The following SMPDL3B variants were observed in gnomAD, a reference collection of about 807,000 sequenced individuals.
SMPDL3B encodes acid sphingomyelinase-like phosphodiesterase 3b.
A neutral mutation model predicts 37.9 loss-of-function variants in SMPDL3B; 31 were observed. The observed-to-expected ratio is 0.82, with a 90% CI of 0.61 to 1.10. The LOEUF (loss-of-function observed/expected upper bound fraction) is 1.10. Ranked by LOEUF, SMPDL3B falls within the 50% of genes least tolerant of loss-of-function variation. The pLI, the probability that SMPDL3B is intolerant of heterozygous loss-of-function variation, is 0.00. For missense variants in SMPDL3B, 525 were observed against 597.8 expected (o/e 0.88, Z 1.27); for synonymous variants, 235 against 242.6 (o/e 0.97, Z 0.29).
chr1:27,942,876 A>G (rs182760491), intron 1 of SMPDL3B, among the ~76,000 whole-genome samples: 2 of 152,074 alleles, frequency 1.3e-5, no homozygotes, highest in Admixed American at 6.5e-5. Context: ...TGCCCCTGCT[A>G]GTCTTGAACT....
intron 4 of SMPDL3B, among the ~76,000 whole-genome samples, chr1:27,953,676 C>T (rs2090474294): frequency 6.6e-6 from 1 of 152,190 alleles, no homozygotes; most frequent in African/African-American, 2.4e-5. Flanking sequence ...GTTTCATTTC[C>T]AGCAGGTTTG....
chr1:27,940,484 C>T (rs1199637504), intron 1 of SMPDL3B, among the ~76,000 whole-genome samples: 1 of 152,070 alleles, frequency 6.6e-6, no homozygotes, highest in African/African-American at 2.4e-5. Context: ...TCACGAGGGC[C>T]CCAAGGGGTA....
chr1:27,941,671 T>A (rs1409080635), intron 1 of SMPDL3B: 1 of 152,494 alleles, frequency 6.6e-6, no homozygotes, highest in Non-Finnish European at 1.5e-5. Context: ...GATGAGGTGG[T>A]CAGGGGAGTC....
At position 27,953,352 on chromosome 1, in the gene SMPDL3B, A is replaced by C. The variant is rs773393361; in HGVS notation, c.511A>C (p.Lys171Gln). Residue 171 changes from lysine to glutamine, a missense_variant, in exon 4 of 8, where the codon AAA (lysine) becomes CAA (glutamine). Coordinates refer to ENST00000373894, the MANE Select transcript of SMPDL3B (RefSeq NM_014474.4). Reference protein sequence around the residue: ...WLSNESIALFKKGAFYCEKLP... With the variant: ...WLSNESIALFQKGAFYCEKLP... ...TAGTAATGAGTCCATCGCTCTCTTCAAAAAAGGTACCAACACCACCTGCTC... is the reference window on the plus strand; with the variant it reads ...TAGTAATGAGTCCATCGCTCTCTTCCAAAAAGGTACCAACACCACCTGCTC... The C allele has an allele frequency of 3.9e-5, 63 of 1,608,564 alleles. No individual in the cohort carries two copies. Among genetic ancestry groups the C allele is most frequent in the Admixed American group, 5.1e-5 (3 of 58,952 alleles).
chr1:27,944,516 G>A (rs376555641), intron 1 of SMPDL3B, among the ~76,000 whole-genome samples: 4 of 151,846 alleles, frequency 2.6e-5, no homozygotes, highest in Admixed American at 2.0e-4. Flanking sequence ...CCCCACACCC[G>A]ACGAATTTTC....
chr1:27,959,119 T>C lies in SMPDL3B; in HGVS notation c.*281T>C. 1 of 439,736 alleles carries C rather than the reference T, an allele frequency of 2.3e-6. No individual in the cohort carries two copies. The highest frequency in any genetic ancestry group is 3.5e-5 in the East Asian group (1 of 28,302). The allele number at this position is 439,736 out of a possible 1,614,324, so 27.2% of individuals were successfully genotyped here. ...AGCATACTTCTTTTGCGTATTATGT[T>C]TAACTCACAAAACAAAGCTCATCAT... On this transcript the variant is annotated 3_prime_UTR_variant, in exon 8 of 8. Coordinates refer to ENST00000373894, the MANE Select transcript of SMPDL3B (RefSeq NM_014474.4).
Position 27,955,758 on chromosome 1 carries a change from C to A in SMPDL3B, c.765C>A (p.Phe255Leu). ...ACAAGGCATGGTTCCGGGAGGGCTT[C>A]AATGAAAAATACCTGAAGGTGGTCC... ...TQNKAWFREG[F>L]NEKYLKVVRK... is the part of the protein sequence containing the mutation. Residue 255 changes from phenylalanine (F) to leucine (L), a missense_variant, in exon 6 of 8, where the codon TTC becomes TTA. Phe to Leu is a conservative substitution (Grantham distance 22). Coordinates refer to ENST00000373894, the MANE Select transcript of SMPDL3B (RefSeq NM_014474.4). The A allele has an allele frequency of 6.2e-7, 1 of 1,614,108 alleles. No homozygotes were observed. Among genetic ancestry groups the A allele is most frequent in the Admixed American group, 1.7e-5 (1 of 60,024 alleles).
rs1295024937 is a variant in SMPDL3B at position 27,959,011 on chromosome 1, C to T, written c.*173C>T. ...AGCCATCCGTGATCGCGCCACTGCA[C>T]TCCAGCCTGGGTGACAAAGCCAGAC... On this transcript the variant is annotated 3_prime_UTR_variant, in exon 8 of 8. Transcript: ENST00000373894. 2 of 779,598 alleles carry T rather than the reference C, an allele frequency of 2.6e-6. No homozygotes were observed. Among genetic ancestry groups the T allele is most frequent in the African/African-American group, 3.5e-5 (2 of 57,272 alleles). The allele number at this position is 779,598 out of a possible 1,614,324, so 48.3% of individuals were successfully genotyped here.
intron 1 of SMPDL3B, among the ~76,000 whole-genome samples, chr1:27,937,564 CTG>C (rs1379385814): frequency 1.3e-5 from 2 of 152,200 alleles, no homozygotes; most frequent in Non-Finnish European, 1.5e-5. Context: ...GAAATAGAGA[CTG>C]AGACCATTGT....
chr1:27,953,399 T>A, intron 4 of SMPDL3B, 41 bp downstream of exon 4: 1 of 1,543,228 alleles, frequency 6.5e-7, no homozygotes, highest in Non-Finnish European at 8.8e-7. Flanking sequence ...ACTTACTGTA[T>A]GCCAGGGTCT....
rs150800127 is a variant in SMPDL3B at position 27,942,612 on chromosome 1, G to A, written c.62-2620G>A. 3.6e-3 allele frequency among the ~76,000 whole-genome samples: 545 copies of A among 152,178 alleles called. 11 individuals are homozygous for A. Among genetic ancestry groups the A allele is most frequent in the Admixed American group, 0.032 (487 of 15,286 alleles). The stretch of plus-strand genomic sequence containing the variant: ...TCCTGCCTCAGCTTCCCAAGTAGCT[G>A]TAGCTGGGATTAAAAGAGTGTACCA... On this transcript the variant is annotated intron_variant, in intron 1 of 7. Transcript: ENST00000373894.
At chr1:27,941,672 CA>C (rs2148673977) in intron 1 of SMPDL3B, 2 of 152,846 alleles carry the variant, frequency 1.3e-5, no homozygotes, top group African/African-American at 2.4e-5. Flanking sequence ...ATGAGGTGGT[CA>C]GGGGAGTCTT....
chr1:27,958,826 G>T lies in SMPDL3B; in HGVS notation c.1356G>T (p.Thr452=), dbSNP rs771148742. ...LLLMALLGLC[T]LVL ...TGATGGCCCTGCTGGGCCTGTGCAC[G>T]CTCGTGCTGTGACCTGCCAGGCTCA... is the stretch of plus-strand genomic sequence containing the variant. Residue 452 remains threonine, a synonymous_variant, in exon 8 of 8, where the codon ACG becomes ACT. Coordinates refer to ENST00000373894, the MANE Select transcript of SMPDL3B (RefSeq NM_014474.4). The surrounding 1 kb of genome is among the most constrained non-coding windows in gnomAD (Gnocchi z 5.6). The T allele has an allele frequency of 1.1e-5, 17 of 1,588,446 alleles. No individual in the cohort carries two copies. Among genetic ancestry groups the T allele is most frequent in the African/African-American group, 1.3e-5 (1 of 74,624 alleles).
intron 7 of SMPDL3B, among the ~76,000 whole-genome samples, chr1:27,957,392 G>A (rs1638320674): frequency 6.6e-6 from 1 of 152,168 alleles, no homozygotes; most frequent in Non-Finnish European, 1.5e-5. Flanking sequence ...ACGGTAGGCT[G>A]TGGCTGCCGA....
chr1:27,946,627 G>A (rs2090410204), intron 2 of SMPDL3B, among the ~76,000 whole-genome samples: 1 of 152,174 alleles, frequency 6.6e-6, no homozygotes, highest in South Asian at 2.1e-4. Flanking sequence ...AGGATTAGGG[G>A]AAGGACATCC....
rs1201807910 is a variant in SMPDL3B at position 27,958,407 on chromosome 1, G to A, written c.1006-69G>A. The A allele has an allele frequency of 1.3e-6, 2 of 1,526,100 alleles. No individual in the cohort carries two copies. The highest frequency in any genetic ancestry group is 4.6e-5 in the East Asian group (2 of 43,942). 94.5% of individuals were successfully genotyped at this position (1,526,100 alleles called of 1,614,324 possible). On this transcript the variant is annotated intron_variant, in intron 7 of 7. Coordinates refer to ENST00000373894, the MANE Select transcript of SMPDL3B (RefSeq NM_014474.4). The surrounding 1 kb of genome is among the most constrained non-coding windows in gnomAD (Gnocchi z 5.6). ...TGCTCTAAAGAACTTGGGGGCAAAT[G>A]CAAGGTGCAGGATGGGGATGGAAGC... is the stretch of plus-strand genomic sequence containing the variant.
rs747465344 is a variant in SMPDL3B at position 27,955,811 on chromosome 1, AG to A, written c.819del (p.Gln273HisfsTer22). On this transcript the variant is annotated frameshift_variant, in exon 6 of 8. Transcript: ENST00000373894. LOFTEE classifies it high-confidence loss of function. ...VRKHHRVIAGQFFGHHHTDSF... is the reference protein window; with the variant it reads ...VRKHHRVIAGXFFGHHHTDSF... ...AAGCATCATCGCGTCATAGCAGGGC[AG>A]TTCTTCGGGCACCACCACACCGACA... The A allele has an allele frequency of 1.9e-6, 3 of 1,614,134 alleles. No homozygotes were observed. Among genetic ancestry groups the A allele is most frequent in the Non-Finnish European group, 1.7e-6 (2 of 1,180,016 alleles).
At chr1:27,938,001 G>T (rs1377571548) in intron 1 of SMPDL3B, among the ~76,000 whole-genome samples, 3 of 152,122 alleles carry the variant, frequency 2.0e-5, no homozygotes, top group African/African-American at 7.2e-5. Context: ...CCCTTCCCTA[G>T]AAATTTCTGC....
chr1:27,943,245 G>A (rs116529057), intron 1 of SMPDL3B, among the ~76,000 whole-genome samples: 1,726 of 152,250 alleles, frequency 0.011, 42 homozygotes, highest in African/African-American at 0.039. Flanking sequence ...ATGTTCCCAG[G>A]GCTCTGCGGA....
Sources: gnomAD v4.1 joint callset for allele counts (sites outside exome capture counted in the v4.1 genomes callset) on GRCh38, gnomAD v4.1.1 for gene constraint, Gnocchi (gnomAD v3.1) non-coding constraint, MANE v1.5 for transcripts, NCBI Gene and HGNC (gene_info 2026-07-23, HGNC 2026-07-21) for gene names.